MBD5: variants seen among roughly 807,000 people sequenced by gnomAD.
MBD5 encodes methyl-CpG binding domain protein 5, also known as methyl-CpG-binding domain protein 5.
In MBD5, 13 loss-of-function variants were observed where a neutral mutation model predicts 117.3. The ratio of observed to expected loss-of-function variants is 0.11; its 90% CI spans 0.07 to 0.18. The LOEUF is 0.18. MBD5 is among the 10% of genes least tolerant of loss of function. The pLI, the probability that MBD5 is intolerant of heterozygous loss-of-function variation, is 1.00. For missense variants in MBD5, 1,879 were observed against 2,093.8 expected, an observed-to-expected ratio of 0.90 and a Z score of 2.00; for synonymous variants, 727 against 766.4, an observed-to-expected ratio of 0.95 and a Z score of 0.85.
At chr2:148,102,834 G>A (rs1696267318) in intron 1 of MBD5, among the ~76,000 whole-genome samples, 1 of 151,290 alleles carries the variant, frequency 6.6e-6, no homozygotes, top group Non-Finnish European at 1.5e-5. Context: ...ACTTAGGAAA[G>A]CAGAACATTG....
intron 4 of MBD5, among the ~76,000 whole-genome samples, chr2:148,367,670 T>C (rs1190892856): frequency 6.6e-6 from 1 of 152,086 alleles, no homozygotes; most frequent in African/African-American, 2.4e-5. Flanking sequence ...GGGAGAAGTA[T>C]ATGAACAGAT....
intron 4 of MBD5, among the ~76,000 whole-genome samples, chr2:148,387,188 T>C (rs1012917128): frequency 2.6e-5 from 4 of 152,104 alleles, no homozygotes; most frequent in Admixed American, 6.6e-5. Context: ...AGTATAATAA[T>C]GTATATATAA....
intron 4 of MBD5, among the ~76,000 whole-genome samples, chr2:148,385,147 A>G (rs1450352821): frequency 2.6e-5 from 4 of 152,186 alleles, no homozygotes; most frequent in Non-Finnish European, 5.9e-5. Context: ...TGTGCACAGC[A>G]AAAGAAACTA....
Position 148,470,003 on chromosome 2 carries a change from T to G in MBD5, c.2060T>G (p.Leu687Trp), listed in dbSNP as rs770615895. Residue 687 changes from leucine (L) to tryptophan (W), a missense_variant, in exon 8 of 14, where the codon TTG becomes TGG. Transcript: ENST00000642680. Reference sequence around the variant, plus strand: ...GCAGTTCCTAAACCTGGACCTGACTTGCTAAGGAAGCAGGGTCAGGGTTCA... The same window carrying G: ...GCAGTTCCTAAACCTGGACCTGACTGGCTAAGGAAGCAGGGTCAGGGTTCA... ...SSAVPKPGPD[L>W]LRKQGQGSFP... The G allele has an allele frequency of 1.9e-6, 3 of 1,613,700 alleles. No individual in the cohort carries two copies. Among genetic ancestry groups the G allele is most frequent in the Non-Finnish European group, 2.5e-6 (3 of 1,179,812 alleles).
In MBD5 at chr2:148,337,493, G is replaced by A. The variant is rs535227612; in HGVS notation, c.-679-4721G>A. Among the ~76,000 whole-genome samples the A allele has an allele frequency of 3.3e-5, 5 of 152,252 alleles. No individual in the cohort carries two copies. In the East Asian group the frequency reaches 9.6e-4, roughly 29 times the overall value. Reference sequence around the variant, plus strand: ...AGGTATAGAACAGTATGCATAACCTGCTTCATTTGTGGAAATTTATGTGTA... The same window carrying A: ...AGGTATAGAACAGTATGCATAACCTACTTCATTTGTGGAAATTTATGTGTA... On this transcript the variant is annotated intron_variant, in intron 3 of 13. Transcript: ENST00000642680.
intron 3 of MBD5, among the ~76,000 whole-genome samples, chr2:148,238,898 A>G (rs925083001): frequency 6.6e-6 from 1 of 152,090 alleles, no homozygotes; most frequent in African/African-American, 2.4e-5. Flanking sequence ...AATTACATCT[A>G]TAAAGACTAT....
At chr2:148,388,451 G>T (rs1285877187) in intron 4 of MBD5, among the ~76,000 whole-genome samples, 1 of 152,140 alleles carries the variant, frequency 6.6e-6, no homozygotes, top group Non-Finnish European at 1.5e-5. Context: ...GGGAGTTTGA[G>T]ATTACAGTTA....
intron 4 of MBD5, among the ~76,000 whole-genome samples, chr2:148,407,343 T>C (rs1705112293): frequency 6.7e-6 from 1 of 148,230 alleles, no homozygotes; most frequent in African/African-American, 2.5e-5. Context: ...TTTCTGAGTG[T>C]GTGTGTGTGT....
intron 2 of MBD5, among the ~76,000 whole-genome samples, chr2:148,224,785 G>T (rs935098207): frequency 1.3e-5 from 2 of 151,260 alleles, no homozygotes; most frequent in Admixed American, 6.6e-5. Flanking sequence ...TTGTTTTTTT[G>T]CTGAATTGAC....
intron 1 of MBD5, among the ~76,000 whole-genome samples, chr2:148,156,672 A>G (rs752705930): frequency 1.4e-4 from 22 of 152,112 alleles, no homozygotes; most frequent in Non-Finnish European, 2.9e-4. Flanking sequence ...GTCTGTGCAT[A>G]TTTTAGCATA....
chr2:148,491,604 A>T (rs1198475692), intron 11 of MBD5, among the ~76,000 whole-genome samples: 1 of 152,046 alleles, frequency 6.6e-6, no homozygotes, highest in East Asian at 1.9e-4. Flanking sequence ...AGCACAATAA[A>T]GGGATTGTCT....
At chr2:148,065,323 G>A (rs1695158459) in intron 1 of MBD5, among the ~76,000 whole-genome samples, 1 of 152,106 alleles carries the variant, frequency 6.6e-6, no homozygotes, top group African/African-American at 2.4e-5. Flanking sequence ...AAGGTAGGAG[G>A]GGGAGGAACG....
At position 148,389,292 on chromosome 2, in the gene MBD5, AT is replaced by A. The variant is rs1704489307; in HGVS notation, c.-557+46957del. Among the ~76,000 whole-genome samples the A allele has an allele frequency of 4.9e-5, 5 of 103,026 alleles. 1 individual carries two copies. The East Asian group carries it at 1.2e-3, about 24-fold the overall frequency. 67.6% of individuals were successfully genotyped at this position (103,026 alleles called of 152,430 possible). A position where few individuals can be genotyped will look rare whatever the true frequency, so the allele number is the denominator to read the frequency against. On this transcript the variant is annotated intron_variant, in intron 4 of 13. Transcript: ENST00000642680. Reference sequence around the variant, plus strand: ...TATATATATATATATATATATATATATATATATATATAACATTTTCTTTATC... The same window carrying A: ...TATATATATATATATATATATATATAATATATATATAACATTTTCTTTATC...
intron 11 of MBD5, among the ~76,000 whole-genome samples, chr2:148,501,707 C>A (rs897096269): frequency 6.6e-6 from 1 of 152,124 alleles, no homozygotes; most frequent in Non-Finnish European, 1.5e-5. Context: ...GGTGGCTGAC[C>A]TCTGTTGACA....
chr2:148,489,476 C>G lies in MBD5; in HGVS notation c.3844C>G (p.Leu1282Val), dbSNP rs200557906. Reference protein sequence around the residue: ...TALPENPNTTLPPFQDTPCEL... With the variant: ...TALPENPNTTVPPFQDTPCEL... ...ACTTCCTGAGAATCCAAACACTACA[C>G]TTCCACCTTTTCAAGATACACCTTG... The change falls in exon 11 of 14, where the codon CTT becomes GTT. Residue 1282 changes from leucine (L) to valine (V), a missense_variant. Coordinates refer to ENST00000642680, the MANE Select transcript of MBD5 (RefSeq NM_001378120.1). The G allele has an allele frequency of 2.5e-6, 4 of 1,614,216 alleles. No homozygotes were observed.
intron 4 of MBD5, among the ~76,000 whole-genome samples, chr2:148,366,628 G>A (rs1309606040): frequency 6.6e-6 from 1 of 152,174 alleles, no homozygotes; most frequent in African/African-American, 2.4e-5. Context: ...CTTCAGCAAA[G>A]TCTCAGGATA....
chr2:148,215,959 T>G (rs1033545431), intron 2 of MBD5, among the ~76,000 whole-genome samples: 14 of 152,094 alleles, frequency 9.2e-5, no homozygotes, highest in Non-Finnish European at 1.8e-4. Context: ...CTTTAAGAAA[T>G]CCTCCCTCTG....
intron 11 of MBD5, among the ~76,000 whole-genome samples, chr2:148,498,204 C>A (rs755903727): frequency 2.0e-5 from 3 of 152,184 alleles, no homozygotes; most frequent in Non-Finnish European, 4.4e-5. Context: ...TATTCTTTGA[C>A]GTTTGCACAA....
chr2:148,206,570 A>G (rs914848356), intron 2 of MBD5, among the ~76,000 whole-genome samples: 7 of 152,096 alleles, frequency 4.6e-5, no homozygotes. Flanking sequence ...ATCTAATGGT[A>G]TTTTTGTACC....
Sources: allele counts gnomAD v4.1 joint callset (sites outside exome capture counted in the v4.1 genomes callset), GRCh38; gene constraint gnomAD v4.1.1; transcripts MANE v1.5; gene names NCBI Gene and HGNC (gene_info 2026-07-23, HGNC 2026-07-21).